Variants in CUEDC2 observed in about 807,000 individuals in gnomAD.
CUEDC2 encodes the protein CUE domain containing 2, also known as CUE domain-containing protein 2.
A neutral mutation model predicts 36.0 loss-of-function variants in CUEDC2; 10 were observed. That is an observed-to-expected ratio of 0.28 (90% confidence interval 0.17 to 0.47). The LOEUF (loss-of-function observed/expected upper bound fraction) is 0.47. CUEDC2 is among the 20% of genes least tolerant of loss of function. CUEDC2 has a pLI of 0.99. For synonymous variants in CUEDC2, 133 were observed against 141.8 expected (o/e 0.94, Z 0.44); for missense variants, 269 against 368.1 (o/e 0.73, Z 2.20).
In CUEDC2 at chr10:102,424,830, C is replaced by T; in HGVS notation, c.75-38G>A. 3 of 1,603,020 alleles carry T rather than the reference C, an allele frequency of 1.9e-6. No individual in the cohort carries two copies. Reference sequence around the variant, plus strand: ...AACAGGACAAGCCCTGGGTAGGACACTGGATGCCTCCAGCACCCCCACCTA... The same window carrying T: ...AACAGGACAAGCCCTGGGTAGGACATTGGATGCCTCCAGCACCCCCACCTA... On this transcript the variant is annotated intron_variant, in intron 2 of 8. Coordinates refer to ENST00000369937, the MANE Select transcript of CUEDC2 (RefSeq NM_024040.3). The surrounding 1 kb of genome is among the most constrained non-coding windows in gnomAD (Gnocchi z 4.2).
In CUEDC2 at chr10:102,424,514, C is replaced by T. The variant is rs777252458; in HGVS notation, c.265G>A (p.Asp89Asn). The change falls in exon 4 of 9, where the codon GAT (aspartate) becomes AAT (asparagine). Residue 89 changes from aspartate to asparagine, a missense_variant. By Grantham distance (23) the Asp-to-Asn change is conservative (BLOSUM62 1). Coordinates refer to ENST00000369937, the MANE Select transcript of CUEDC2 (RefSeq NM_024040.3). This position sits in a 1 kb window ranked among gnomAD's most constrained non-coding sequence, Gnocchi z 4.2. ...MMQKLSGQLS[D>N]ARNKENLQPQ... is the part of the protein sequence containing the mutation. ...CCAGACTCACCTTTGTTCCTGGCAT[C>T]GCTCAGCTGCCCTGAGAGCTTCTGC... 3.4e-5 allele frequency: 55 copies of T among 1,614,162 alleles called. No homozygotes were observed. Among genetic ancestry groups the T allele is most frequent in the Middle Eastern group, 3.3e-4 (2 of 6,062 alleles).
chr10:102,423,780 A>C lies in CUEDC2; in HGVS notation c.656+18T>G, dbSNP rs765481746. The C allele has an allele frequency of 4.3e-6, 7 of 1,613,998 alleles. No individual in the cohort carries two copies. Among genetic ancestry groups the C allele is most frequent in the Non-Finnish European group, 5.9e-6 (7 of 1,179,950 alleles). On this transcript the variant is annotated intron_variant, in intron 7 of 8. Transcript: ENST00000369937. The surrounding 1 kb of genome is among the most constrained non-coding windows in gnomAD (Gnocchi z 5.6). Reference sequence around the variant, plus strand: ...GGGAAGACCCTCTAGGGCCCAGCCCAGCCCAGCCCAGACTCACTTCTGCAG... The same window carrying C: ...GGGAAGACCCTCTAGGGCCCAGCCCCGCCCAGCCCAGACTCACTTCTGCAG...
chr10:102,426,558 T>C (rs887566812), intron 1 of CUEDC2, among the ~76,000 whole-genome samples: 1 of 152,164 alleles, frequency 6.6e-6, no homozygotes, highest in Non-Finnish European at 1.5e-5. Context: ...TTTCCTTCTT[T>C]CCTTCTTATC....
At position 102,424,326 on chromosome 10, in the gene CUEDC2, G is replaced by A. The variant is rs1411197116; in HGVS notation, c.349C>T (p.Pro117Ser). The change falls in exon 5 of 9, where the codon CCC (proline) becomes TCC (serine). Residue 117 changes from proline to serine, a missense_variant. Physicochemically the swap from Pro to Ser is moderately conservative, Grantham distance 74 (BLOSUM62 -1). Coordinates refer to ENST00000369937, the MANE Select transcript of CUEDC2 (RefSeq NM_024040.3). The surrounding 1 kb of genome is among the most constrained non-coding windows in gnomAD (Gnocchi z 4.2). ...CTAGTCTCTTCTTTGAGCATTTCGG[G>A]CCGCTGCAGGGGCTCTGGGGAGATG... ...VPISPEPLQR[P>S]EMLKEETRSS... is the part of the protein sequence containing the mutation. 1 of 1,614,144 alleles carries A rather than the reference G, an allele frequency of 6.2e-7. No homozygotes were observed. Among genetic ancestry groups the A allele is most frequent in the African/African-American group, 1.3e-5 (1 of 75,032 alleles).
chr10:102,430,728 T>A (rs1318484850), intron 1 of CUEDC2, among the ~76,000 whole-genome samples: 1 of 152,208 alleles, frequency 6.6e-6, no homozygotes, highest in Non-Finnish European at 1.5e-5. Flanking sequence ...CCTTCCTAAG[T>A]ACATCCTTCC....
intron 1 of CUEDC2, among the ~76,000 whole-genome samples, chr10:102,431,522 A>G (rs1355448098): frequency 6.6e-6 from 1 of 152,196 alleles, no homozygotes; most frequent in Non-Finnish European, 1.5e-5. Context: ...AAGGCAAGTT[A>G]ATGGCAGATT....
chr10:102,430,141 T>TTAA (rs1238732326), intron 1 of CUEDC2, among the ~76,000 whole-genome samples: 6 of 116,998 alleles, frequency 5.1e-5, no homozygotes, highest in African/African-American at 1.3e-4. Context: ...CTTTTTTTTT[T>TTAA]TTTAATTTTA....
In CUEDC2 at chr10:102,423,707, C is replaced by T; in HGVS notation, c.667G>A (p.Val223Met). The T allele has an allele frequency of 3.1e-6, 5 of 1,614,220 alleles. No individual in the cohort carries two copies. The highest frequency in any genetic ancestry group is 4.2e-6 in the Non-Finnish European group (5 of 1,180,036). The change falls in exon 8 of 9, where the codon GTG becomes ATG. Residue 223 changes from valine to methionine, a missense_variant. Physicochemically the swap from Val to Met is conservative, Grantham distance 21. Coordinates refer to ENST00000369937, the MANE Select transcript of CUEDC2 (RefSeq NM_024040.3). This position sits in a 1 kb window ranked among gnomAD's most constrained non-coding sequence, Gnocchi z 5.6. The stretch of plus-strand genomic sequence containing the variant: ...ATCTTCTGATCCTCTGCGCTATCCA[C>T]CATCATGTACCTGTCAAAAACTGGC... ...KSFILQKYMM[V>M]DSAEDQKIHR...
intron 1 of CUEDC2, among the ~76,000 whole-genome samples, chr10:102,428,200 C>A (rs1424524542): frequency 3.3e-5 from 5 of 152,010 alleles, no homozygotes; most frequent in African/African-American, 1.2e-4. Context: ...CTTGGCCTCC[C>A]AAAGTGCTGG....
chr10:102,430,147 T>TTTA (rs2061611657), intron 1 of CUEDC2, among the ~76,000 whole-genome samples: 30 of 120,474 alleles, frequency 2.5e-4, no homozygotes, highest in African/African-American at 9.1e-4. Flanking sequence ...TTTTTTTTAA[T>TTTA]TTTATTTATT....
At chr10:102,429,207 T>G (rs561569734) in intron 1 of CUEDC2, among the ~76,000 whole-genome samples, 38 of 152,228 alleles carry the variant, frequency 2.5e-4, no homozygotes, top group African/African-American at 8.9e-4. Context: ...TTGGACAATG[T>G]TTAATGTTTC....
rs746980427 is a variant in CUEDC2, at chr10:102,423,879, G to C, written c.595-20C>G. ...CAGGTCCTGCAGAGAGGGGAGGCCTGGTCTAGGCCCAAGGGCACCAGCAGG... is the reference window on the plus strand; with the variant it reads ...CAGGTCCTGCAGAGAGGGGAGGCCTCGTCTAGGCCCAAGGGCACCAGCAGG... On this transcript the variant is annotated intron_variant, in intron 6 of 8. Transcript: ENST00000369937. This position sits in a 1 kb window ranked among gnomAD's most constrained non-coding sequence, Gnocchi z 5.6. 3 of 1,608,988 alleles carry C rather than the reference G, an allele frequency of 1.9e-6. No individual in the cohort carries two copies. The highest frequency in any genetic ancestry group is 1.1e-5 in the South Asian group (1 of 90,474).
At chr10:102,432,202 G>C (rs1182299475) in intron 1 of CUEDC2, among the ~76,000 whole-genome samples, 1 of 152,208 alleles carries the variant, frequency 6.6e-6, no homozygotes, top group African/African-American at 2.4e-5. Flanking sequence ...AGCACAAACA[G>C]GGAGGGCGAG....
intron 1 of CUEDC2, among the ~76,000 whole-genome samples, chr10:102,426,752 C>A (rs1286012859): frequency 2.0e-5 from 3 of 152,092 alleles, no homozygotes; most frequent in African/African-American, 7.2e-5. Flanking sequence ...CTGCCTTAGC[C>A]TCCGGAGTAG....
intron 1 of CUEDC2, among the ~76,000 whole-genome samples, chr10:102,430,448 C>T (rs1388023153): frequency 2.6e-5 from 4 of 152,212 alleles, no homozygotes; most frequent in South Asian, 2.1e-4. Flanking sequence ...GGATTATAGG[C>T]GTGAGCCACC....
At chr10:102,428,868 A>G (rs2061607006) in intron 1 of CUEDC2, among the ~76,000 whole-genome samples, 1 of 152,086 alleles carries the variant, frequency 6.6e-6, no homozygotes, top group Non-Finnish European at 1.5e-5. Flanking sequence ...CTAAAAATAC[A>G]AAAATTAGCT....
At chr10:102,425,974 G>A (rs1483645519) in intron 1 of CUEDC2, among the ~76,000 whole-genome samples, 1 of 152,100 alleles carries the variant, frequency 6.6e-6, no homozygotes, top group Non-Finnish European at 1.5e-5. Context: ...CCGCTCAAAT[G>A]TTACCTCCTC....
Position 102,424,996 on chromosome 10 carries a change from G to A in CUEDC2, c.74+119C>T. On this transcript the variant is annotated intron_variant, in intron 2 of 8. Transcript: ENST00000369937. The surrounding 1 kb of genome is among the most constrained non-coding windows in gnomAD (Gnocchi z 4.2). Reference sequence around the variant, plus strand: ...TGACAGGGACAGGATGAGAGGTAAGGCCTCTCAGCAAATCCTAGTCAGCCC... The same window carrying A: ...TGACAGGGACAGGATGAGAGGTAAGACCTCTCAGCAAATCCTAGTCAGCCC... 2 of 975,818 alleles carry A rather than the reference G, an allele frequency of 2.0e-6. No individual in the cohort carries two copies. Among genetic ancestry groups the A allele is most frequent in the Non-Finnish European group, 3.1e-6 (2 of 638,730 alleles). The allele number at this position is 975,818 out of a possible 1,614,324, so 60.4% of individuals were successfully genotyped here.
Position 102,423,572 on chromosome 10 carries a change from C to A in CUEDC2, c.718G>T (p.Ala240Ser). 1.2e-6 allele frequency: 2 copies of A among 1,614,180 alleles called. No individual in the cohort carries two copies. The highest frequency in any genetic ancestry group is 1.7e-6 in the Non-Finnish European group (2 of 1,180,022). ...KIHRPMAPKE[A>S]PKKLIRYIDN... ...ATGTATCGGATCAGCTTCTTGGGGG[C>A]CTGTCAGGCAATCAGCAGTGAGTGG... The change falls in exon 9 of 9, where the codon GCC becomes TCC. Residue 240 changes from alanine (A) to serine (S), a missense_variant and splice_region_variant. Ala to Ser is a moderately conservative substitution (Grantham distance 99). Transcript: ENST00000369937. The surrounding 1 kb of genome is among the most constrained non-coding windows in gnomAD (Gnocchi z 5.6).
Sources: allele counts gnomAD v4.1 joint callset (sites outside exome capture counted in the v4.1 genomes callset), GRCh38; gene constraint gnomAD v4.1.1; non-coding constraint Gnocchi (gnomAD v3.1); transcripts MANE v1.5; gene names NCBI Gene and HGNC (gene_info 2026-07-23, HGNC 2026-07-21).